BACH2: variants seen among roughly 807,000 people sequenced by gnomAD.
The protein encoded by BACH2 is transcription regulator protein BACH2.
In BACH2, 5 loss-of-function variants were observed where a neutral mutation model predicts 61.8. The ratio of observed to expected loss-of-function variants is 0.08; its 90% CI spans 0.04 to 0.17. The LOEUF (loss-of-function observed/expected upper bound fraction) is 0.17. Among genes scored for constraint, BACH2 ranks in the 10% least tolerant of loss-of-function variants. The probability of loss-of-function intolerance (pLI) is 1.00; values close to 1 mark genes in which losing one functional copy is unlikely to be tolerated. For missense variants in BACH2, 824 were observed against 1,091.1 expected, an observed-to-expected ratio of 0.76 and a Z score of 3.45; for synonymous variants, 446 against 440.1, an observed-to-expected ratio of 1.01 and a Z score of -0.17.
At position 90,032,355 on chromosome 6, in the gene BACH2, C is replaced by T. The variant is rs533633753; in HGVS notation, c.-12-23499G>A. 3.4e-4 allele frequency among the ~76,000 whole-genome samples: 48 copies of T among 140,078 alleles called. 1 individual carries two copies. Among genetic ancestry groups the T allele is most frequent in the Middle Eastern group, 6.8e-3 (2 of 292 alleles). 91.9% of individuals were successfully genotyped at this position (140,078 alleles called of 152,430 possible). ...GGCAACAAAAGCCAAAATTGACAAACGGGATCTAATTAAACTAAAGAGCTT... is the reference window on the plus strand; with the variant it reads ...GGCAACAAAAGCCAAAATTGACAAATGGGATCTAATTAAACTAAAGAGCTT... On this transcript the variant is annotated intron_variant, in intron 5 of 8. Coordinates refer to ENST00000257749, the MANE Select transcript of BACH2 (RefSeq NM_021813.4).
At chr6:90,184,993 G>A (rs73505264) in intron 4 of BACH2, among the ~76,000 whole-genome samples, 2,205 of 152,336 alleles carry the variant, frequency 0.014, 69 homozygotes, top group African/African-American at 0.051. Flanking sequence ...AAGGAGTTAA[G>A]AGTACCTGTT....
chr6:90,129,922 T>C (rs923085437), intron 4 of BACH2, among the ~76,000 whole-genome samples: 1 of 152,132 alleles, frequency 6.6e-6, no homozygotes, highest in African/African-American at 2.4e-5. Flanking sequence ...CAGTCTGGAA[T>C]GCAGTGGCGC....
intron 5 of BACH2, among the ~76,000 whole-genome samples, chr6:90,028,302 C>A (rs183487525): frequency 1.9e-4 from 29 of 152,308 alleles, no homozygotes; most frequent in Non-Finnish European, 4.1e-4. Flanking sequence ...CACTCTCATG[C>A]CAAAAGAAGG....
At chr6:90,125,640 A>G (rs1195313320) in intron 4 of BACH2, among the ~76,000 whole-genome samples, 2 of 152,214 alleles carry the variant, frequency 1.3e-5, no homozygotes, top group Non-Finnish European at 2.9e-5. Flanking sequence ...GACGGGTCAG[A>G]TGCTGTGTAC....
intron 6 of BACH2, among the ~76,000 whole-genome samples, chr6:89,983,785 G>A (rs1381317911): frequency 6.6e-6 from 1 of 152,188 alleles, no homozygotes; most frequent in East Asian, 1.9e-4. Flanking sequence ...GCTACTTAGC[G>A]GTATTGAAAC....
chr6:90,049,335 T>C (rs548409131), intron 5 of BACH2, among the ~76,000 whole-genome samples: 52 of 152,316 alleles, frequency 3.4e-4, no homozygotes, highest in African/African-American at 1.2e-3. Context: ...AATAGGGTGC[T>C]ATGATAGGAA....
intron 5 of BACH2, among the ~76,000 whole-genome samples, chr6:90,040,073 A>C (rs1779460305): frequency 6.6e-6 from 1 of 151,176 alleles, no homozygotes. Flanking sequence ...CTGCTCAGAA[A>C]TTTTTGATTT....
At chr6:90,231,145 T>C (rs955466393) in intron 3 of BACH2, among the ~76,000 whole-genome samples, 2 of 152,174 alleles carry the variant, frequency 1.3e-5, no homozygotes, top group South Asian at 4.1e-4. Flanking sequence ...CAAACTGTTT[T>C]CTTAGGGGTG....
chr6:90,155,957 T>C (rs1472376784), intron 4 of BACH2, among the ~76,000 whole-genome samples: 4 of 152,322 alleles, frequency 2.6e-5, no homozygotes, highest in South Asian at 2.1e-4. Flanking sequence ...CAGATGACAA[T>C]TGAGGTGGCC....
chr6:90,266,191 G>A (rs970179140), intron 2 of BACH2, among the ~76,000 whole-genome samples: 2 of 152,160 alleles, frequency 1.3e-5, no homozygotes, highest in Non-Finnish European at 2.9e-5. Context: ...CAGACCTAGT[G>A]CCCTGAGGGT....
chr6:90,091,701 A>T (rs1333773154), intron 4 of BACH2, among the ~76,000 whole-genome samples: 1 of 152,140 alleles, frequency 6.6e-6, no homozygotes, highest in Non-Finnish European at 1.5e-5. Flanking sequence ...TTCTGCACCC[A>T]CTAATACTAT....
At chr6:90,069,267 C>T (rs150057891) in intron 5 of BACH2, among the ~76,000 whole-genome samples, 67 of 152,276 alleles carry the variant, frequency 4.4e-4, no homozygotes, top group African/African-American at 1.6e-3. Flanking sequence ...GGATGAGATG[C>T]CTGTATCCGG....
At chr6:90,296,143 T>C (rs186329333) in intron 1 of BACH2, among the ~76,000 whole-genome samples, 2 of 151,978 alleles carry the variant, frequency 1.3e-5, no homozygotes, top group East Asian at 2.0e-4. Flanking sequence ...CATGCCTGAC[T>C]TATTACTCTC....
At chr6:90,012,419 A>G (rs918683839) in intron 5 of BACH2, among the ~76,000 whole-genome samples, 1 of 151,774 alleles carries the variant, frequency 6.6e-6, no homozygotes, top group Non-Finnish European at 1.5e-5. Flanking sequence ...AACTTGAGGT[A>G]AGGAGTGTGA....
chr6:90,041,192 G>A (rs1040121255), intron 5 of BACH2, among the ~76,000 whole-genome samples: 1 of 152,078 alleles, frequency 6.6e-6, no homozygotes, highest in Admixed American at 6.6e-5. Flanking sequence ...ATTCCTTTGG[G>A]CATACACCCA....
chr6:90,224,544 T>C (rs1360031563), intron 3 of BACH2, among the ~76,000 whole-genome samples: 1 of 152,252 alleles, frequency 6.6e-6, no homozygotes, highest in Non-Finnish European at 1.5e-5. Flanking sequence ...GAAAACACTA[T>C]TTCAAGGTTG....
chr6:90,090,480 A>G (rs1782115863), intron 4 of BACH2, among the ~76,000 whole-genome samples: 1 of 152,182 alleles, frequency 6.6e-6, no homozygotes, highest in African/African-American at 2.4e-5. Context: ...TATCACAGAC[A>G]GAGAAAAATA....
At chr6:90,073,482 G>A (rs1490917272) in intron 5 of BACH2, among the ~76,000 whole-genome samples, 1 of 152,170 alleles carries the variant, frequency 6.6e-6, no homozygotes, top group East Asian at 1.9e-4. Flanking sequence ...ATTCTGCAAG[G>A]ATGCTGTACA....
At chr6:90,076,263 T>C (rs573856347) in intron 5 of BACH2, among the ~76,000 whole-genome samples, 1 of 152,274 alleles carries the variant, frequency 6.6e-6, no homozygotes, top group African/African-American at 2.4e-5. Flanking sequence ...CGAATGAGGA[T>C]TAAATCTTCA....
Sources: gnomAD v4.1 joint callset for allele counts (sites outside exome capture counted in the v4.1 genomes callset) on GRCh38, gnomAD v4.1.1 for gene constraint, MANE v1.5 for transcripts, NCBI Gene and HGNC (gene_info 2026-07-23, HGNC 2026-07-21) for gene names.